The following ZPLD1 variants were observed in gnomAD, a reference collection of about 807,000 sequenced individuals.
The protein encoded by ZPLD1 is zona pellucida like domain containing 1, also known as zona pellucida-like domain-containing protein 1.
In ZPLD1, 34 loss-of-function variants were observed where a neutral mutation model predicts 47.2. That is an observed-to-expected ratio of 0.72 (90% CI 0.55 to 0.96). ZPLD1 has a LOEUF of 0.96. Among genes scored for constraint, ZPLD1 ranks in the 40% least tolerant of loss-of-function variants. The probability of loss-of-function intolerance (pLI) is 0.00; values close to 1 mark genes in which losing one functional copy is unlikely to be tolerated. For missense variants in ZPLD1, 512 were observed against 505.8 expected, an observed-to-expected ratio of 1.01 and a Z score of -0.12; for synonymous variants, 176 against 186.2, an observed-to-expected ratio of 0.95 and a Z score of 0.45.
chr3:102,412,670 A>G (rs914888008), intron 7 of ZPLD1, among the ~76,000 whole-genome samples: 3 of 151,794 alleles, frequency 2.0e-5, no homozygotes, highest in African/African-American at 7.3e-5. Context: ...AGTTTACTTC[A>G]ACATAAGGAT....
chr3:102,457,166 C>T (rs1226583348), intron 5 of ZPLD1, among the ~76,000 whole-genome samples: 1 of 152,160 alleles, frequency 6.6e-6, no homozygotes, highest in Non-Finnish European at 1.5e-5. Context: ...CCACATTCTA[C>T]TTCATTGAAA....
chr3:102,468,840 G>A (rs537549168), intron 8 of ZPLD1, 124 bp from the exon 9 acceptor site: 3 of 833,942 alleles, frequency 3.6e-6, no homozygotes, highest in South Asian at 2.2e-5. Flanking sequence ...TATCTGTAAC[G>A]TGGCATGGTT....
intron 8 of ZPLD1, among the ~76,000 whole-genome samples, chr3:102,429,377 T>C (rs1706988356): frequency 6.6e-6 from 1 of 151,708 alleles, no homozygotes; most frequent in Non-Finnish European, 1.5e-5. Context: ...CCCATTCTTC[T>C]GGTCTGGTAG....
At chr3:102,398,622 G>A (rs1396022473) in intron 7 of ZPLD1, among the ~76,000 whole-genome samples, 2 of 151,968 alleles carry the variant, frequency 1.3e-5, no homozygotes, top group African/African-American at 4.8e-5. Flanking sequence ...TAATATCCAG[G>A]GTTCTTCCCA....
At chr3:102,391,544 T>C (rs992093110) in intron 6 of ZPLD1, among the ~76,000 whole-genome samples, 10 of 152,052 alleles carry the variant, frequency 6.6e-5, no homozygotes, top group African/African-American at 2.4e-4. Flanking sequence ...CACAGTCATG[T>C]TATTGGGAAC....
At chr3:102,387,388 G>C (rs1220264931) in intron 6 of ZPLD1, among the ~76,000 whole-genome samples, 1 of 152,154 alleles carries the variant, frequency 6.6e-6, no homozygotes, top group Non-Finnish European at 1.5e-5. Flanking sequence ...AAGCCTATCA[G>C]ACATTTGTAT....
intron 8 of ZPLD1, among the ~76,000 whole-genome samples, chr3:102,419,990 A>G (rs1162697339): frequency 2.0e-5 from 3 of 150,502 alleles, no homozygotes; most frequent in Non-Finnish European, 4.4e-5. Context: ...GTTTGTCTTC[A>G]TTGTAAAATG....
upstream of ZPLD1, among the ~76,000 whole-genome samples, chr3:102,434,245 G>T (rs538105155): frequency 2.0e-4 from 30 of 152,154 alleles, no homozygotes; most frequent in Admixed American, 1.7e-3. Context: ...ATTAAACAAA[G>T]ATTATTTTAT....
At chr3:102,465,583 C>A (rs1043608002) in intron 8 of ZPLD1, among the ~76,000 whole-genome samples, 1 of 152,030 alleles carries the variant, frequency 6.6e-6, no homozygotes, top group Non-Finnish European at 1.5e-5. Flanking sequence ...TTTTTTTTGA[C>A]ATTTCTCTTA....
At chr3:102,400,165 C>T (rs991555741) in intron 7 of ZPLD1, among the ~76,000 whole-genome samples, 1 of 151,968 alleles carries the variant, frequency 6.6e-6, no homozygotes, top group South Asian at 2.1e-4. Flanking sequence ...AGTTTTTAGT[C>T]CTTTTAGTCC....
intron 10 of ZPLD1, among the ~76,000 whole-genome samples, chr3:102,476,598 C>T (rs533484741): frequency 6.6e-6 from 1 of 152,114 alleles, no homozygotes; most frequent in South Asian, 2.1e-4. Flanking sequence ...AATGAATATT[C>T]CGTATAACAG....
chr3:102,460,841 A>G (rs1371668994), intron 6 of ZPLD1, among the ~76,000 whole-genome samples: 1 of 151,946 alleles, frequency 6.6e-6, no homozygotes, highest in Non-Finnish European at 1.5e-5. Context: ...CTGCACAATA[A>G]TGATGCAAAT....
intron 7 of ZPLD1, among the ~76,000 whole-genome samples, chr3:102,397,118 A>G (rs1706566807): frequency 6.6e-6 from 1 of 151,926 alleles, no homozygotes; most frequent in Non-Finnish European, 1.5e-5. Context: ...AAATTCCACC[A>G]CTCCTCACAG....
intron 7 of ZPLD1, among the ~76,000 whole-genome samples, chr3:102,411,882 GTCTC>G (rs1458243055): frequency 6.6e-6 from 1 of 151,736 alleles, no homozygotes; most frequent in African/African-American, 2.4e-5. Flanking sequence ...ATGTCTTAAT[GTCTC>G]TCTATCAATT....
At chr3:102,389,703 T>G (rs1373930547) in intron 6 of ZPLD1, among the ~76,000 whole-genome samples, 1 of 152,208 alleles carries the variant, frequency 6.6e-6, no homozygotes, top group Non-Finnish European at 1.5e-5. Context: ...TATAGCTTTC[T>G]GGTTGTATAG....
intron 10 of ZPLD1, among the ~76,000 whole-genome samples, chr3:102,470,769 TGGA>T (rs1707671518): frequency 6.6e-6 from 1 of 151,628 alleles, no homozygotes; most frequent in African/African-American, 2.4e-5. Flanking sequence ...TAGGCCATGC[TGGA>T]CCTGTTTTAT....
intron 7 of ZPLD1, among the ~76,000 whole-genome samples, chr3:102,395,902 T>A (rs1706551393): frequency 6.6e-6 from 1 of 152,174 alleles, no homozygotes; most frequent in African/African-American, 2.4e-5. Flanking sequence ...CAGTCAAAGT[T>A]TAATGATTCT....
chr3:102,388,569 A>G (rs1460282013), intron 6 of ZPLD1, among the ~76,000 whole-genome samples: 5 of 151,896 alleles, frequency 3.3e-5, no homozygotes, highest in Non-Finnish European at 5.9e-5. Flanking sequence ...TCCCTAAATT[A>G]TGTCAGTTTC....
intron 7 of ZPLD1, among the ~76,000 whole-genome samples, chr3:102,394,019 TAAC>T (rs1204297307): frequency 6.6e-6 from 1 of 152,154 alleles, no homozygotes; most frequent in Non-Finnish European, 1.5e-5. Context: ...GCAAAACAAG[TAAC>T]AACCTTTCAA....
Sources: gnomAD v4.1 joint callset for allele counts (sites outside exome capture counted in the v4.1 genomes callset) on GRCh38, gnomAD v4.1.1 for gene constraint, MANE v1.5 for transcripts, NCBI Gene and HGNC (gene_info 2026-07-23, HGNC 2026-07-21) for gene names.